The following C12orf42 variants were observed in gnomAD, a reference collection of about 807,000 sequenced individuals.
C12orf42 encodes uncharacterized protein C12orf42.
In C12orf42, 25 loss-of-function variants were observed where a neutral mutation model predicts 21.6. The observed-to-expected ratio is 1.16, with a 90% CI of 0.84 to 1.62. C12orf42 has a LOEUF of 1.62. Among genes scored for constraint, C12orf42 ranks in the 40% most tolerant of loss-of-function variants. C12orf42 has a pLI of 0.00. For synonymous variants in C12orf42, 174 were observed against 175.0 expected (o/e 0.99, Z 0.05); for missense variants, 483 against 459.3 (o/e 1.05, Z -0.47).
intron 2 of C12orf42, among the ~76,000 whole-genome samples, chr12:103,414,734 A>G (rs2049154090): frequency 6.6e-6 from 1 of 152,192 alleles, no homozygotes. Context: ...TGATTTTTAT[A>G]CATTAACTTT....
chr12:103,311,519 C>G (rs1013629934), intron 4 of C12orf42, among the ~76,000 whole-genome samples: 4 of 152,100 alleles, frequency 2.6e-5, no homozygotes, highest in African/African-American at 9.7e-5. Context: ...GTGGCTACAG[C>G]AACCAGTTGT....
intron 5 of C12orf42, among the ~76,000 whole-genome samples, chr12:103,305,402 A>G (rs911238094): frequency 6.6e-6 from 1 of 152,182 alleles, no homozygotes; most frequent in African/African-American, 2.4e-5. Flanking sequence ...AATTTGAAGT[A>G]ATAATTGTCA....
the C12orf42 span, among the ~76,000 whole-genome samples, chr12:103,093,646 C>A: frequency 9.2e-5 from 14 of 152,306 alleles, no homozygotes; most frequent in African/African-American, 3.1e-4. Flanking sequence ...AGGACTTGCA[C>A]AGCCTGCATT....
chr12:103,063,938 G>T, the C12orf42 span, among the ~76,000 whole-genome samples: 47 of 152,250 alleles, frequency 3.1e-4, no homozygotes, highest in African/African-American at 1.1e-3. Flanking sequence ...ATTTAATGTT[G>T]TAGCTCAGGG....
the C12orf42 span, among the ~76,000 whole-genome samples, chr12:103,049,406 C>T: frequency 3.3e-5 from 5 of 152,302 alleles, no homozygotes; most frequent in South Asian, 8.3e-4. Context: ...TGTACATTCA[C>T]ATCTCCAACA....
At chr12:103,096,900 G>C in the C12orf42 span, among the ~76,000 whole-genome samples, 1 of 152,104 alleles carries the variant, frequency 6.6e-6, no homozygotes, top group South Asian at 2.1e-4. Flanking sequence ...CTTTTCCACT[G>C]TACTTCACCA....
chr12:103,530,490 C>G, the C12orf42 span, among the ~76,000 whole-genome samples: 45 of 152,106 alleles, frequency 3.0e-4, no homozygotes, highest in Non-Finnish European at 5.0e-4. Context: ...GTGGGAAAGC[C>G]CCATGTGTTG....
the C12orf42 span, among the ~76,000 whole-genome samples, chr12:103,513,254 T>C: frequency 6.6e-6 from 1 of 152,152 alleles, no homozygotes; most frequent in Admixed American, 6.5e-5. Context: ...AAGAACTCTC[T>C]TTCTGTAGGA....
the C12orf42 span, among the ~76,000 whole-genome samples, chr12:103,131,996 G>A: frequency 6.6e-6 from 1 of 152,144 alleles, no homozygotes; most frequent in Non-Finnish European, 1.5e-5. Flanking sequence ...GAGTTATACT[G>A]AGAAAGTCAC....
At chr12:103,462,026 T>C (rs575682883) in intron 2 of C12orf42, among the ~76,000 whole-genome samples, 1 of 151,536 alleles carries the variant, frequency 6.6e-6, no homozygotes, top group South Asian at 2.1e-4. Flanking sequence ...AAGACTCAGG[T>C]ATGCTAATCA....
the C12orf42 span, among the ~76,000 whole-genome samples, chr12:103,093,832 A>G: frequency 3.3e-5 from 5 of 152,204 alleles, no homozygotes; most frequent in African/African-American, 4.8e-5. Flanking sequence ...AGCCAGCAGA[A>G]GTGACTCAAG....
chr12:103,128,139 C>T, the C12orf42 span, among the ~76,000 whole-genome samples: 4 of 152,106 alleles, frequency 2.6e-5, no homozygotes, highest in Admixed American at 2.6e-4. Context: ...ATTCAGGAAC[C>T]ACCAACAATT....
the C12orf42 span, among the ~76,000 whole-genome samples, chr12:103,109,593 T>C: frequency 6.7e-6 from 1 of 148,758 alleles, no homozygotes; most frequent in Non-Finnish European, 1.5e-5. Flanking sequence ...CATAATATAA[T>C]TTATATAATA....
chr12:103,343,678 G>A (rs1593523053), intron 4 of C12orf42, among the ~76,000 whole-genome samples: 1 of 151,022 alleles, frequency 6.6e-6, no homozygotes, highest in African/African-American at 2.4e-5. Context: ...GGAGGCTGAG[G>A]CAGAAGAATC....
the C12orf42 span, among the ~76,000 whole-genome samples, chr12:103,048,744 G>C: frequency 1.2e-4 from 18 of 152,208 alleles, no homozygotes; most frequent in African/African-American, 4.1e-4. Context: ...GATTCCACAT[G>C]CTTCTGGATT....
At chr12:103,321,047 T>C (rs2040042598) in intron 4 of C12orf42, among the ~76,000 whole-genome samples, 4 of 152,208 alleles carry the variant, frequency 2.6e-5, no homozygotes, top group Admixed American at 2.0e-4. Flanking sequence ...TTCTAAGTAC[T>C]TTAGAAAGTT....
At chr12:103,186,236 T>A in the C12orf42 span, among the ~76,000 whole-genome samples, 1 of 152,222 alleles carries the variant, frequency 6.6e-6, no homozygotes, top group Admixed American at 6.5e-5. Context: ...TAGGACTATC[T>A]ATCAACTTGG....
chr12:103,353,400 T>C (rs2374053), intron 4 of C12orf42, among the ~76,000 whole-genome samples: 48,671 of 151,808 alleles, frequency 0.32, 8,331 homozygotes, highest in South Asian at 0.44. Flanking sequence ...CTAAGGAAGA[T>C]AGTTTACAGA....
the C12orf42 span, among the ~76,000 whole-genome samples, chr12:103,160,511 G>A: frequency 6.6e-6 from 1 of 152,172 alleles, no homozygotes; most frequent in Non-Finnish European, 1.5e-5. Flanking sequence ...GTAAAGCAAA[G>A]GATAAGCAGG....
Sources: gnomAD v4.1 joint callset for allele counts (sites outside exome capture counted in the v4.1 genomes callset) on GRCh38, gnomAD v4.1.1 for gene constraint, MANE v1.5 for transcripts, NCBI Gene and HGNC (gene_info 2026-07-23, HGNC 2026-07-21) for gene names.